The following CDC73 variants were observed in gnomAD, a reference collection of about 807,000 sequenced individuals.
CDC73 encodes cell division cycle 73.
Under a neutral mutation model 83.7 loss-of-function variants are expected in CDC73, and 21 were observed. That is an observed-to-expected ratio of 0.25 (90% CI 0.18 to 0.36). The LOEUF (loss-of-function observed/expected upper bound fraction) is 0.36, where lower values mean the gene tolerates loss of function less well. CDC73 is among the 10% of genes least tolerant of loss of function. The pLI, the probability that CDC73 is intolerant of heterozygous loss-of-function variation, is 1.00. For missense variants in CDC73, 342 were observed against 653.3 expected (o/e 0.52, Z 5.19); for synonymous variants, 224 against 212.9 (o/e 1.05, Z -0.45).
At chr1:193,201,212 A>C (rs912803291) in intron 10 of CDC73, among the ~76,000 whole-genome samples, 1 of 152,270 alleles carries the variant, frequency 6.6e-6, no homozygotes, top group Admixed American at 6.5e-5. Context: ...ATTGCAACAG[A>C]CAGGACTTTG....
intron 10 of CDC73, among the ~76,000 whole-genome samples, chr1:193,177,382 C>CAAAAAAAAA (rs1676625505): frequency 1.8e-5 from 1 of 57,132 alleles, no homozygotes; most frequent in Admixed American, 1.7e-4. Context: ...AAAAAAAAAT[C>CAAAAAAAAA]AGCCGGGCGC....
At chr1:193,173,097 T>C (rs1676545860) in intron 10 of CDC73, among the ~76,000 whole-genome samples, 1 of 152,186 alleles carries the variant, frequency 6.6e-6, no homozygotes. Flanking sequence ...TAGGGCAACA[T>C]AAGCCTAGAG....
intron 3 of CDC73, among the ~76,000 whole-genome samples, chr1:193,133,193 G>C (rs886252059): frequency 1.3e-5 from 2 of 152,222 alleles, no homozygotes; most frequent in Middle Eastern, 3.4e-3. Context: ...GAGCCACCGC[G>C]CCTGGCAGTT....
intron 15 of CDC73, 23 bp downstream of exon 15, chr1:193,236,379 T>C: frequency 7.4e-7 from 1 of 1,354,008 alleles, no homozygotes; most frequent in Non-Finnish European, 1.1e-6. Context: ...TTGTATTTAC[T>C]GTATCCAGTA....
In CDC73 at chr1:193,161,623, G is replaced by A. The variant is rs1365862737; in HGVS notation, c.972+9179G>A. Reference sequence around the variant, plus strand: ...ATATAATAGATAATATATATTATATGATAGATATATAATATATTATATAAT... The same window carrying A: ...ATATAATAGATAATATATATTATATAATAGATATATAATATATTATATAAT... On this transcript the variant is annotated intron_variant, in intron 10 of 16. Transcript: ENST00000367435. 1.4e-4 allele frequency among the ~76,000 whole-genome samples: 6 copies of A among 42,654 alleles called. 1 individual carries two copies. The East Asian group carries it at 1.4e-3, about 10-fold the overall frequency. 28.0% of individuals were successfully genotyped at this position (42,654 alleles called of 152,430 possible).
chr1:193,123,363 G>A (rs1360870813), intron 1 of CDC73, among the ~76,000 whole-genome samples: 2 of 152,136 alleles, frequency 1.3e-5, no homozygotes, highest in African/African-American at 4.8e-5. Flanking sequence ...GAGTAGCTGA[G>A]GTTGCAGGCC....
chr1:193,135,949 G>A (rs796566907), intron 5 of CDC73, among the ~76,000 whole-genome samples: 13 of 148,450 alleles, frequency 8.8e-5, no homozygotes, highest in African/African-American at 3.2e-4. Flanking sequence ...GCTTATTGTA[G>A]CCTCGACCTC....
intron 6 of CDC73, among the ~76,000 whole-genome samples, chr1:193,138,404 T>C (rs944613153): frequency 2.0e-5 from 3 of 152,218 alleles, no homozygotes; most frequent in Non-Finnish European, 1.5e-5. Flanking sequence ...TTTTTAAAAA[T>C]TGCGTTATAA....
At chr1:193,249,703 G>T (rs1553292951) in intron 15 of CDC73, 27 bp from the exon 16 acceptor site, 2 of 1,576,796 alleles carry the variant, frequency 1.3e-6, no homozygotes, top group Non-Finnish European at 8.7e-7. Flanking sequence ...GAGTAAAAAT[G>T]ATAACTTCTC....
chr1:193,138,877 C>T (rs986203246), intron 6 of CDC73, among the ~76,000 whole-genome samples: 9 of 148,914 alleles, frequency 6.0e-5, no homozygotes, highest in African/African-American at 2.0e-4. Context: ...TGGTTTCAAG[C>T]GATTCTCCTG....
At chr1:193,209,428 C>T (rs1444115163) in intron 11 of CDC73, among the ~76,000 whole-genome samples, 1 of 152,118 alleles carries the variant, frequency 6.6e-6, no homozygotes, top group Non-Finnish European at 1.5e-5. Context: ...ATCTCTTTTA[C>T]GATTGAGGAA....
intron 11 of CDC73, among the ~76,000 whole-genome samples, chr1:193,209,778 A>G (rs1307943046): frequency 1.3e-5 from 2 of 152,108 alleles, no homozygotes; most frequent in Non-Finnish European, 2.9e-5. Flanking sequence ...ATGTTTGCCT[A>G]AATTCCTGAG....
chr1:193,163,045 C>T (rs544617979), intron 10 of CDC73, among the ~76,000 whole-genome samples: 2 of 152,154 alleles, frequency 1.3e-5, no homozygotes, highest in East Asian at 3.9e-4. Flanking sequence ...CAAGGTATTT[C>T]ACAATATCCT....
intron 6 of CDC73, among the ~76,000 whole-genome samples, chr1:193,141,434 A>G (rs914342637): frequency 5.3e-5 from 8 of 152,214 alleles, no homozygotes; most frequent in South Asian, 2.1e-4. Flanking sequence ...GAAACCTTGA[A>G]ATAAATTTCA....
chr1:193,203,931 T>G (rs955984790), intron 11 of CDC73, 79 bp downstream of exon 11: 1 of 1,118,840 alleles, frequency 8.9e-7, no homozygotes, highest in African/African-American at 1.5e-5. Context: ...GTATAATGCT[T>G]TGAACAAACT....
intron 10 of CDC73, among the ~76,000 whole-genome samples, chr1:193,185,449 A>T (rs1166160729): frequency 6.6e-6 from 1 of 151,926 alleles, no homozygotes; most frequent in Non-Finnish European, 1.5e-5. Flanking sequence ...GTAATATTTA[A>T]AATTTGTTGA....
chr1:193,139,562 C>T (rs1244443229), intron 6 of CDC73, among the ~76,000 whole-genome samples: 1 of 152,110 alleles, frequency 6.6e-6, no homozygotes, highest in African/African-American at 2.4e-5. Context: ...TCTCCTCGTT[C>T]TGCTTTATTA....
intron 14 of CDC73, 104 bp downstream of exon 14, chr1:193,233,258 A>G (rs889666988): frequency 5.8e-6 from 6 of 1,042,250 alleles, no homozygotes; most frequent in African/African-American, 4.7e-5. Flanking sequence ...ATGGGGTCTC[A>G]CTATGTTGCC....
chr1:193,225,218 C>T lies in CDC73; in HGVS notation c.1155-7775C>T, dbSNP rs571820496. ...TTGCAGCAAATGGCATTAATGCCTTCCCTTTTATGGCTGAGTAGTATTCCA... is the reference window on the plus strand; with the variant it reads ...TTGCAGCAAATGGCATTAATGCCTTTCCTTTTATGGCTGAGTAGTATTCCA... On this transcript the variant is annotated intron_variant, in intron 13 of 16. Transcript: ENST00000367435. Among the ~76,000 whole-genome samples the T allele has an allele frequency of 2.0e-5, 3 of 149,048 alleles. No homozygotes were observed. In the South Asian group the frequency reaches 6.5e-4, roughly 32 times the overall value.
Sources: allele counts gnomAD v4.1 joint callset (sites outside exome capture counted in the v4.1 genomes callset), GRCh38; gene constraint gnomAD v4.1.1; transcripts MANE v1.5; gene names NCBI Gene and HGNC (gene_info 2026-07-23, HGNC 2026-07-21).